HEXB: variants seen among roughly 807,000 people sequenced by gnomAD.
HEXB encodes the protein hexosaminidase subunit beta, also known as beta-hexosaminidase subunit beta.
In HEXB, 51 loss-of-function variants were observed where a neutral mutation model predicts 71.2. The ratio of observed to expected loss-of-function variants is 0.72; its 90% CI spans 0.57 to 0.90. The LOEUF (loss-of-function observed/expected upper bound fraction) is 0.90. Among genes scored for constraint, HEXB ranks in the 40% least tolerant of loss-of-function variants. HEXB has a pLI of 0.00. For synonymous variants in HEXB, 266 were observed against 249.3 expected (o/e 1.07, Z -0.63); for missense variants, 617 against 677.0 (o/e 0.91, Z 0.98).
rs371656792 is a variant in HEXB at position 74,697,118 on chromosome 5, C to T, written c.669+12C>T. On this transcript the variant is annotated intron_variant, in intron 5 of 13. Coordinates refer to ENST00000261416, the MANE Select transcript of HEXB (RefSeq NM_000521.4). The stretch of plus-strand genomic sequence containing the variant: ...TTCTTAAAACTCTGGTAAGTAATTA[C>T]TTCATTCTAATCTGTTGTCTATTCT... 152 of 1,130,008 alleles carry T rather than the reference C, an allele frequency of 1.3e-4. 1 individual carries two copies. The highest frequency in any genetic ancestry group is 1.9e-4 in the Non-Finnish European group (137 of 739,612). 70.0% of individuals were successfully genotyped at this position (1,130,008 alleles called of 1,614,324 possible). A position where few individuals can be genotyped will look rare whatever the true frequency, so the allele number is the denominator to read the frequency against.
At chr5:74,676,762 C>CA (rs1245989500) in intron 1 of HEXB, among the ~76,000 whole-genome samples, 3 of 151,364 alleles carry the variant, frequency 2.0e-5, no homozygotes, top group African/African-American at 4.8e-5. Flanking sequence ...GAGATTCTCT[C>CA]AAAAAAAAGG....
chr5:74,719,080 C>T, intron 11 of HEXB, 109 bp downstream of exon 11: 1 of 997,742 alleles, frequency 1.0e-6, no homozygotes, highest in South Asian at 1.3e-5. Context: ...ACCTCCCACC[C>T]CAGAAGTCTT....
upstream of HEXB, among the ~76,000 whole-genome samples, chr5:74,684,498 A>T (rs1436831710): frequency 6.6e-6 from 1 of 152,134 alleles, no homozygotes; most frequent in Non-Finnish European, 1.5e-5. Context: ...CTCAGCTCTC[A>T]TCTCGGTTAT....
chr5:74,696,794 A>T (rs1331443122), intron 4 of HEXB, 55 bp downstream of exon 4: 6 of 933,186 alleles, frequency 6.4e-6, no homozygotes, highest in Admixed American at 5.4e-5. Flanking sequence ...GCTAATAGAA[A>T]AAAATGTAAC....
chr5:74,711,139 C>A (rs78171237), intron 6 of HEXB, among the ~76,000 whole-genome samples: 42 of 145,890 alleles, frequency 2.9e-4, no homozygotes, highest in African/African-American at 5.9e-4. Flanking sequence ...TGCATATCTA[C>A]AACTATCTGA....
At chr5:74,699,300 G>A (rs1749202412) in intron 5 of HEXB, among the ~76,000 whole-genome samples, 1 of 150,226 alleles carries the variant, frequency 6.7e-6, no homozygotes, top group South Asian at 2.1e-4. Flanking sequence ...GTGAGACAGA[G>A]TCTCGCTGTG....
intron 1 of HEXB, among the ~76,000 whole-genome samples, chr5:74,686,131 C>T (rs1748866228): frequency 7.1e-6 from 1 of 141,492 alleles, no homozygotes; most frequent in Non-Finnish European, 1.6e-5. Flanking sequence ...TACGTTTCTG[C>T]GGTCAGTGGT....
At chr5:74,703,272 C>G (rs975073710) in intron 5 of HEXB, among the ~76,000 whole-genome samples, 1 of 152,188 alleles carries the variant, frequency 6.6e-6, no homozygotes, top group Admixed American at 6.5e-5. Flanking sequence ...GTTTAATAGT[C>G]AAATTATCCC....
intron 1 of HEXB, among the ~76,000 whole-genome samples, chr5:74,661,196 A>T (rs1748312850): frequency 6.6e-6 from 1 of 152,238 alleles, no homozygotes. Context: ...CTTCTGTAAT[A>T]AGCATTTGTT....
intron 10 of HEXB, 112 bp from the exon 11 acceptor site, chr5:74,718,685 T>A: frequency 9.0e-7 from 1 of 1,113,298 alleles, no homozygotes; most frequent in Non-Finnish European, 1.3e-6. Flanking sequence ...AAAATGCAGA[T>A]TTTTTTTAAG....
chr5:74,693,824 T>C, intron 3 of HEXB, 120 bp downstream of exon 3: 1 of 767,456 alleles, frequency 1.3e-6, no homozygotes, highest in Non-Finnish European at 2.4e-6. Flanking sequence ...TGCTTTGTTA[T>C]GTAGTTCCAA....
intron 11 of HEXB, 59 bp from the exon 12 acceptor site, chr5:74,720,369 A>C: frequency 8.2e-7 from 1 of 1,216,094 alleles, no homozygotes; most frequent in South Asian, 1.2e-5. Flanking sequence ...TCTTGATGAA[A>C]TATTGCCTCT....
chr5:74,662,588 A>C (rs989713846), intron 1 of HEXB, among the ~76,000 whole-genome samples: 4 of 152,200 alleles, frequency 2.6e-5, no homozygotes, highest in Admixed American at 2.0e-4. Context: ...TAGATGTTTT[A>C]AGGTGCTGTT....
exon 1 of HEXB, chr5:74,640,355 C>A (rs1326578194): frequency 6.6e-6 from 1 of 152,408 alleles, no homozygotes; most frequent in Non-Finnish European, 1.5e-5. Context: ...GCGACGGTCA[C>A]GGGCAAGGAG....
intron 1 of HEXB, among the ~76,000 whole-genome samples, chr5:74,674,605 G>GAAAAAAAAA (rs1199567534): frequency 1.1e-5 from 1 of 94,874 alleles, no homozygotes; most frequent in Admixed American, 1.2e-4. Context: ...CTCTGTCTCA[G>GAAAAAAAAA]AAAAAAAAAA....
chr5:74,688,484 G>T (rs879330504), intron 1 of HEXB, among the ~76,000 whole-genome samples: 1 of 152,058 alleles, frequency 6.6e-6, no homozygotes, highest in Non-Finnish European at 1.5e-5. Context: ...ACAGGCGCCT[G>T]CCACCATACC....
Position 74,655,173 on chromosome 5 carries a change from C to G in HEXB, c.-377+14615C>G, listed in dbSNP as rs2112080789. Among the ~76,000 whole-genome samples the G allele has an allele frequency of 1.3e-5, 2 of 152,188 alleles. 1 individual carries two copies. Among genetic ancestry groups the G allele is most frequent in the Non-Finnish European group, 2.9e-5 (2 of 68,010 alleles). On this transcript the variant is annotated intron_variant, in intron 1 of 13. Transcript: ENST00000511181. ...TCTCATCAGCAACTGCACCAGGTAT[C>G]TGTTAAGAAAGGGATAGAAAATGAC...
At chr5:74,674,879 G>T (rs1254135240) in intron 1 of HEXB, among the ~76,000 whole-genome samples, 1 of 152,080 alleles carries the variant, frequency 6.6e-6, no homozygotes, top group Non-Finnish European at 1.5e-5. Context: ...CTACCTGTAA[G>T]TCTGAGCTAG....
chr5:74,709,245 A>G (rs1289015600), intron 6 of HEXB, among the ~76,000 whole-genome samples: 1 of 152,148 alleles, frequency 6.6e-6, no homozygotes, highest in African/African-American at 2.4e-5. Context: ...TGAAACCAAC[A>G]AGAACAAAGA....
Sources: gnomAD v4.1 joint callset for allele counts (sites outside exome capture counted in the v4.1 genomes callset) on GRCh38, gnomAD v4.1.1 for gene constraint, MANE v1.5 for transcripts, NCBI Gene and HGNC (gene_info 2026-07-23, HGNC 2026-07-21) for gene names.